Variants in RPIA observed in about 807,000 individuals in gnomAD.
RPIA encodes the protein ribose-5-phosphate isomerase.
A neutral mutation model predicts 37.8 loss-of-function variants in RPIA; 29 were observed. That is an observed-to-expected ratio of 0.77 (90% CI 0.57 to 1.05). The LOEUF (loss-of-function observed/expected upper bound fraction) is 1.05, where lower values mean the gene tolerates loss of function less well. Among genes scored for constraint, RPIA ranks in the 50% least tolerant of loss-of-function variants. The pLI, the probability that RPIA is intolerant of heterozygous loss-of-function variation, is 0.00. For synonymous variants in RPIA, 167 were observed against 157.0 expected (o/e 1.06, Z -0.48); for missense variants, 385 against 413.6 (o/e 0.93, Z 0.60).
intron 1 of RPIA, among the ~76,000 whole-genome samples, chr2:88,693,597 A>T (rs1676973959): frequency 6.6e-6 from 1 of 152,204 alleles, no homozygotes; most frequent in South Asian, 2.1e-4. Flanking sequence ...CAGCCCCTTA[A>T]AGGGTAAGCT....
intron 8 of RPIA, among the ~76,000 whole-genome samples, chr2:88,742,412 C>T (rs1294535485): frequency 6.6e-6 from 1 of 152,100 alleles, no homozygotes; most frequent in African/African-American, 2.4e-5. Context: ...GTCTATATGC[C>T]TGTTTTTATA....
At chr2:88,697,926 G>T (rs1672775628) in intron 1 of RPIA, among the ~76,000 whole-genome samples, 1 of 152,106 alleles carries the variant, frequency 6.6e-6, no homozygotes, top group Non-Finnish European at 1.5e-5. Flanking sequence ...CTACCAACTT[G>T]AAGGTGCCTA....
chr2:88,724,182 T>A (rs1264627411), intron 3 of RPIA, among the ~76,000 whole-genome samples: 1 of 152,202 alleles, frequency 6.6e-6, no homozygotes, highest in Non-Finnish European at 1.5e-5. Context: ...TTCTGTGACC[T>A]GCTTTGGGGA....
At chr2:88,748,709 T>C (rs1425661572) in intron 8 of RPIA, among the ~76,000 whole-genome samples, 1 of 152,210 alleles carries the variant, frequency 6.6e-6, no homozygotes, top group African/African-American at 2.4e-5. Context: ...TTTTAGTTTT[T>C]TCTCTTTCTT....
In RPIA at chr2:88,729,274, G is replaced by A. The variant is rs370696470; in HGVS notation, c.403-4G>A. The A allele has an allele frequency of 5.3e-5, 85 of 1,613,864 alleles. No individual in the cohort carries two copies. Among genetic ancestry groups the A allele is most frequent in the Non-Finnish European group, 6.4e-5 (75 of 1,179,968 alleles). ...TCGTGGTTGCTCTTCCCTGTCCTCC[G>A]CAGGCCCGCCAGCTCATCCTGCAGT... On this transcript the variant is annotated splice_polypyrimidine_tract_variant and splice_region_variant and intron_variant, in intron 3 of 8. Transcript: ENST00000283646.
chr2:88,704,071 A>G (rs941762307), intron 3 of RPIA, among the ~76,000 whole-genome samples: 3 of 152,072 alleles, frequency 2.0e-5, no homozygotes, highest in East Asian at 1.9e-4. Flanking sequence ...TCTGGACCTT[A>G]TTTTCCATAT....
chr2:88,700,054 C>G lies in RPIA; in HGVS notation c.392C>G (p.Thr131Ser). 4 of 1,614,208 alleles carry G rather than the reference C, an allele frequency of 2.5e-6. No homozygotes were observed. The highest frequency in any genetic ancestry group is 2.5e-6 in the Non-Finnish European group (3 of 1,180,004). ...AATCTGAACCTCGTCTGTATTCCCA[C>G]TTCCTTCCAGGTATGTCCTGCTTTC... ...QENLNLVCIP[T>S]SFQARQLILQ... The change falls in exon 3 of 9, where the codon ACT (threonine) becomes AGT (serine). Residue 131 changes from threonine to serine, a missense_variant. This residue lies in a region of RPIA where 232 missense variants were observed against 203.0 expected (regional missense o/e 1.14). Coordinates refer to ENST00000283646, the MANE Select transcript of RPIA (RefSeq NM_144563.3).
intron 8 of RPIA, among the ~76,000 whole-genome samples, chr2:88,741,915 T>G (rs1673387748): frequency 6.6e-6 from 1 of 152,148 alleles, no homozygotes; most frequent in Non-Finnish European, 1.5e-5. Flanking sequence ...GGATTTTTTT[T>G]CTTGCTAATT....
intron 1 of RPIA, among the ~76,000 whole-genome samples, chr2:88,696,338 G>T (rs1382860348): frequency 1.3e-5 from 2 of 152,070 alleles, no homozygotes; most frequent in African/African-American, 4.8e-5. Context: ...GAGGCCAGGA[G>T]TTCGAGACTA....
At chr2:88,704,004 CTT>C (rs1465172015) in intron 3 of RPIA, among the ~76,000 whole-genome samples, 1 of 152,222 alleles carries the variant, frequency 6.6e-6, no homozygotes, top group Non-Finnish European at 1.5e-5. Flanking sequence ...CTGCCAGTCT[CTT>C]TGCTAAAACA....
chr2:88,702,569 G>C (rs1225203990), intron 3 of RPIA, among the ~76,000 whole-genome samples: 1 of 148,692 alleles, frequency 6.7e-6, no homozygotes, highest in Admixed American at 6.6e-5. Flanking sequence ...CGTGAGACTT[G>C]CTCACTACTA....
At chr2:88,724,264 A>G (rs1673169865) in intron 3 of RPIA, among the ~76,000 whole-genome samples, 1 of 152,076 alleles carries the variant, frequency 6.6e-6, no homozygotes, top group Admixed American at 6.5e-5. Flanking sequence ...GAATAATTGA[A>G]AGAAACTTTT....
At chr2:88,715,347 G>A (rs1425909334) in intron 3 of RPIA, among the ~76,000 whole-genome samples, 1 of 152,170 alleles carries the variant, frequency 6.6e-6, no homozygotes, top group Non-Finnish European at 1.5e-5. Flanking sequence ...CTCTTCAGCT[G>A]GAATTCAGGA....
At chr2:88,700,368 A>G (rs1672813577) in intron 3 of RPIA, among the ~76,000 whole-genome samples, 1 of 152,206 alleles carries the variant, frequency 6.6e-6, no homozygotes, top group South Asian at 2.1e-4. Flanking sequence ...AAATCAGGCT[A>G]GGCCAGGTGT....
intron 4 of RPIA, among the ~76,000 whole-genome samples, chr2:88,734,188 G>T (rs1673286739): frequency 6.7e-6 from 1 of 149,968 alleles, no homozygotes; most frequent in Admixed American, 6.6e-5. Flanking sequence ...TAATGTCTAA[G>T]ATTTTTTATT....
chr2:88,750,344 A>G lies in RPIA; in HGVS notation c.*266A>G. On this transcript the variant is annotated 3_prime_UTR_variant, in exon 9 of 9. Transcript: ENST00000283646. ...AGTAGAACTTGAGTTCATGTTTTAT[A>G]TGAAATATTTACCAAAAAAAAAAAA... 1 of 390,350 alleles carries G rather than the reference A, an allele frequency of 2.6e-6. No individual in the cohort carries two copies. Among genetic ancestry groups the G allele is most frequent in the Non-Finnish European group, 4.6e-6 (1 of 219,572 alleles). 24.2% of individuals were successfully genotyped at this position (390,350 alleles called of 1,614,324 possible). A position where few individuals can be genotyped will look rare whatever the true frequency, so the allele number is the denominator to read the frequency against.
At chr2:88,692,633 G>A (rs1377314535) in intron 1 of RPIA, among the ~76,000 whole-genome samples, 1 of 152,130 alleles carries the variant, frequency 6.6e-6, no homozygotes, top group East Asian at 1.9e-4. Context: ...GGCAGGTGTG[G>A]TGCTGTTAGT....
At chr2:88,723,695 G>A (rs1369169307) in intron 3 of RPIA, among the ~76,000 whole-genome samples, 1 of 152,126 alleles carries the variant, frequency 6.6e-6, no homozygotes, top group Admixed American at 6.5e-5. Flanking sequence ...ATCTGAGACA[G>A]GTTTCAGGTA....
chr2:88,709,271 T>A (rs1455785881), intron 3 of RPIA, among the ~76,000 whole-genome samples: 2 of 152,244 alleles, frequency 1.3e-5, no homozygotes, highest in African/African-American at 2.4e-5. Flanking sequence ...CTGCGTGTGC[T>A]ATGACTCTTC....
Sources: gnomAD v4.1 joint callset for allele counts (sites outside exome capture counted in the v4.1 genomes callset) on GRCh38, gnomAD v4.1.1 for gene constraint, gnomAD v4.1.1 regional missense constraint, MANE v1.5 for transcripts, NCBI Gene and HGNC (gene_info 2026-07-23, HGNC 2026-07-21) for gene names.